Variants in TENM2 observed in about 807,000 individuals in gnomAD.
TENM2 encodes teneurin-2.
TENM2 carries 52 observed loss-of-function variants against 245.2 expected under a neutral mutation model. The ratio of observed to expected loss-of-function variants is 0.21; its 90% CI spans 0.17 to 0.27. TENM2 has a LOEUF of 0.27. Ranked by LOEUF, TENM2 falls within the 10% of genes least tolerant of loss-of-function variation. The probability of loss-of-function intolerance (pLI) is 1.00; values close to 1 mark genes in which losing one functional copy is unlikely to be tolerated. For missense variants in TENM2, 3,046 were observed against 3,666.8 expected (o/e 0.83, Z 4.37); for synonymous variants, 1,363 against 1,438.9 (o/e 0.95, Z 1.19).
intron 2 of TENM2, among the ~76,000 whole-genome samples, chr5:167,745,310 C>T (rs976505465): frequency 6.6e-5 from 10 of 152,328 alleles, no homozygotes; most frequent in Non-Finnish European, 8.8e-5. Flanking sequence ...GCAAGTGCTG[C>T]GAAGACAGCA....
At chr5:168,184,891 C>A (rs963484523) in intron 13 of TENM2, among the ~76,000 whole-genome samples, 2 of 152,196 alleles carry the variant, frequency 1.3e-5, no homozygotes, top group African/African-American at 4.8e-5. Context: ...TGACAAAAAC[C>A]TATAGCCAGC....
the TENM2 span, among the ~76,000 whole-genome samples, chr5:167,096,825 A>G: frequency 1.3e-5 from 2 of 152,238 alleles, no homozygotes; most frequent in Non-Finnish European, 2.9e-5. Flanking sequence ...GGTACATTCT[A>G]TCTCAATGCA....
intron 2 of TENM2, among the ~76,000 whole-genome samples, chr5:167,559,289 G>A (rs1464344212): frequency 6.6e-6 from 1 of 152,134 alleles, no homozygotes; most frequent in African/African-American, 2.4e-5. Context: ...AATGTGGATG[G>A]AGAATTAGCT....
intron 2 of TENM2, among the ~76,000 whole-genome samples, chr5:167,482,099 G>T (rs2127530098): frequency 6.6e-6 from 1 of 152,200 alleles, no homozygotes; most frequent in African/African-American, 2.4e-5. Context: ...GATTACAAAA[G>T]TCATATGTAC....
At chr5:167,648,986 C>A (rs1176836451) in intron 2 of TENM2, among the ~76,000 whole-genome samples, 1 of 152,182 alleles carries the variant, frequency 6.6e-6, no homozygotes, top group Non-Finnish European at 1.5e-5. Flanking sequence ...ATGCAGCAGA[C>A]TTCTTTTCTC....
chr5:167,232,874 T>C, the TENM2 span, among the ~76,000 whole-genome samples: 1 of 152,236 alleles, frequency 6.6e-6, no homozygotes, highest in Admixed American at 6.5e-5. Context: ...GAATAACGGC[T>C]GTCCTTTATT....
chr5:167,086,155 A>G, the TENM2 span, among the ~76,000 whole-genome samples: 791 of 152,268 alleles, frequency 5.2e-3, 6 homozygotes, highest in African/African-American at 0.018. Context: ...CAGCTAGACC[A>G]CCCTCAAACA....
At chr5:168,213,838 A>G (rs1430663797) in intron 20 of TENM2, among the ~76,000 whole-genome samples, 1 of 152,106 alleles carries the variant, frequency 6.6e-6, no homozygotes, top group Non-Finnish European at 1.5e-5. Context: ...ATAAAATAAA[A>G]TAGCAGGGGA....
chr5:167,220,140 C>T, the TENM2 span, among the ~76,000 whole-genome samples: 1 of 152,120 alleles, frequency 6.6e-6, no homozygotes, highest in Non-Finnish European at 1.5e-5. Flanking sequence ...GGTACTGACA[C>T]CAACATTTGT....
the TENM2 span, among the ~76,000 whole-genome samples, chr5:167,189,635 C>T: frequency 6.6e-6 from 1 of 151,830 alleles, no homozygotes; most frequent in South Asian, 2.1e-4. Context: ...GTGGCATGAT[C>T]ATAATTCACT....
chr5:167,639,424 G>A (rs1779416895), intron 2 of TENM2, among the ~76,000 whole-genome samples: 1 of 152,084 alleles, frequency 6.6e-6, no homozygotes, highest in Admixed American at 6.6e-5. Context: ...AAAGAACTCC[G>A]AGTTCTTATC....
At position 168,167,648 on chromosome 5, in the gene TENM2, G is replaced by T. The variant is rs115426029; in HGVS notation, c.2569+4891G>T. 1.5e-3 allele frequency among the ~76,000 whole-genome samples: 223 copies of T among 152,214 alleles called. 2 individuals are homozygous for T. The highest frequency in any genetic ancestry group is 5.0e-3 in the African/African-American group (207 of 41,536). On this transcript the variant is annotated intron_variant, in intron 13 of 28. Transcript: ENST00000518659. ...GAGAGATGTCTTTTCCCCTCGTTCC[G>T]TTTCAACACAGCACTGAAAGATGTT... is the stretch of plus-strand genomic sequence containing the variant.
intron 9 of TENM2, among the ~76,000 whole-genome samples, chr5:168,105,574 G>A (rs1427067065): frequency 6.6e-6 from 1 of 152,192 alleles, no homozygotes; most frequent in African/African-American, 2.4e-5. Context: ...TCACAGTGTT[G>A]TGAATCAATG....
At chr5:166,979,427 A>T in the TENM2 span, among the ~76,000 whole-genome samples, 1 of 151,788 alleles carries the variant, frequency 6.6e-6, no homozygotes, top group African/African-American at 2.4e-5. Flanking sequence ...CCTCGAAGTG[A>T]AGGAATTTTG....
chr5:167,920,249 T>C (rs759622668), intron 3 of TENM2, among the ~76,000 whole-genome samples: 3 of 149,668 alleles, frequency 2.0e-5, no homozygotes, highest in Admixed American at 6.7e-5. Context: ...CCCAACACAT[T>C]GGGAGGCCGA....
At chr5:167,112,915 C>T in the TENM2 span, among the ~76,000 whole-genome samples, 6 of 152,204 alleles carry the variant, frequency 3.9e-5, no homozygotes, top group East Asian at 9.7e-4. Context: ...TTTCCAAGTG[C>T]ATCATAATCA....
chr5:167,919,517 C>T (rs1333491612), intron 3 of TENM2, among the ~76,000 whole-genome samples: 1 of 152,224 alleles, frequency 6.6e-6, no homozygotes, highest in Non-Finnish European at 1.5e-5. Context: ...TTTAAGGACA[C>T]ATTATTCCTT....
chr5:167,708,816 A>G (rs77711216), intron 2 of TENM2, among the ~76,000 whole-genome samples: 1,872 of 152,322 alleles, frequency 0.012, 38 homozygotes, highest in African/African-American at 0.043. Context: ...TATATATGTT[A>G]AAGTTTTTTT....
At chr5:168,222,949 G>C (rs1763796097) in intron 23 of TENM2, among the ~76,000 whole-genome samples, 1 of 152,280 alleles carries the variant, frequency 6.6e-6, no homozygotes, top group Non-Finnish European at 1.5e-5. Flanking sequence ...ATAATTCAAA[G>C]GCAGCCTCCA....
Sources: gnomAD v4.1 joint callset for allele counts (sites outside exome capture counted in the v4.1 genomes callset) on GRCh38, gnomAD v4.1.1 for gene constraint, MANE v1.5 for transcripts, NCBI Gene and HGNC (gene_info 2026-07-23, HGNC 2026-07-21) for gene names.